SCNN1D: variants seen among roughly 807,000 people sequenced by gnomAD.
The protein encoded by SCNN1D is epithelial sodium channel subunit delta.
In SCNN1D, 104 loss-of-function variants were observed where a neutral mutation model predicts 87.8. The observed-to-expected ratio is 1.18, with a 90% CI of 1.01 to 1.39. The LOEUF (loss-of-function observed/expected upper bound fraction) is 1.39, where lower values mean the gene tolerates loss of function less well. Among genes scored for constraint, SCNN1D ranks in the 40% most tolerant of loss-of-function variants. SCNN1D has a pLI of 0.00. For missense variants in SCNN1D, 1,324 were observed against 1,093.9 expected (o/e 1.21, Z -2.97); for synonymous variants, 628 against 481.2 (o/e 1.31, Z -3.99).
chr1:1,290,314 G>A lies in SCNN1D; in HGVS notation c.1706G>A (p.Cys569Tyr). 2 of 1,591,334 alleles carry A rather than the reference G, an allele frequency of 1.3e-6. No individual in the cohort carries two copies. The highest frequency in any genetic ancestry group is 1.7e-6 in the Non-Finnish European group (2 of 1,167,426). The change falls in exon 13 of 18, where the codon TGC (cysteine) becomes TAC (tyrosine). Residue 569 changes from cysteine to tyrosine, a missense_variant. Cys to Tyr is a radical substitution (Grantham distance 194). Coordinates refer to ENST00000379116, the MANE Select transcript of SCNN1D (RefSeq NM_001130413.4). ...TTCCAGCAGCTGATGGTGGAGACCTGCTCCTGTGGCTACTACCTCCACCCT... is the reference window on the plus strand; with the variant it reads ...TTCCAGCAGCTGATGGTGGAGACCTACTCCTGTGGCTACTACCTCCACCCT... The part of the protein sequence containing the change: ...SCFQQLMVET[C>Y]SCGYYLHPLP...
At chr1:1,282,129 C>G in intron 3 of SCNN1D, 113 bp from the exon 4 acceptor site, 1 of 677,598 alleles carries the variant, frequency 1.5e-6, no homozygotes, top group Non-Finnish European at 2.7e-6. Context: ...AGCCCCCTGC[C>G]GCGAGCTTGG....
Position 1,287,939 on chromosome 1 carries a change from G to C in SCNN1D, c.1564G>C (p.Asp522His), listed in dbSNP as rs949261338. 2 of 1,542,040 alleles carry C rather than the reference G, an allele frequency of 1.3e-6. No homozygotes were observed. Among genetic ancestry groups the C allele is most frequent in the Non-Finnish European group, 1.8e-6 (2 of 1,141,566 alleles). Residue 522 changes from aspartate to histidine, a missense_variant and splice_region_variant, in exon 12 of 18, where the codon GAC (aspartate) becomes CAC (histidine). By Grantham distance (81) the Asp-to-His change is moderately conservative (BLOSUM62 -1). Coordinates refer to ENST00000379116, the MANE Select transcript of SCNN1D (RefSeq NM_001130413.4). ...ATGGAACTGAAGCGTCCCCTCCCAG[G>C]ACGAGGTGCACCGGCTCGGGAGCCC... ...GTEATISIRE[D>H]EVHRLGSPYG...
At position 1,291,664 on chromosome 1, in the gene SCNN1D, A is replaced by G. The variant is rs1251336853; in HGVS notation, c.*54A>G. 5 of 1,366,834 alleles carry G rather than the reference A, an allele frequency of 3.7e-6. No individual in the cohort carries two copies. Among genetic ancestry groups the G allele is most frequent in the Non-Finnish European group, 4.9e-6 (5 of 1,017,722 alleles). The allele number at this position is 1,366,834 out of a possible 1,614,324, so 84.7% of individuals were successfully genotyped here. A position where few individuals can be genotyped will look rare whatever the true frequency, so the allele number is the denominator to read the frequency against. ...TTGGCCTGGTCCTTGCAGCTGTGGCAGCAGCAGGCTCCCCAGCGGCCCAGG... is the reference window on the plus strand; with the variant it reads ...TTGGCCTGGTCCTTGCAGCTGTGGCGGCAGCAGGCTCCCCAGCGGCCCAGG... On this transcript the variant is annotated 3_prime_UTR_variant, in exon 18 of 18. Coordinates refer to ENST00000379116, the MANE Select transcript of SCNN1D (RefSeq NM_001130413.4).
intron 1 of SCNN1D, chr1:1,280,899 CG>C (rs1291084739): frequency 1.7e-5 from 10 of 583,592 alleles, no homozygotes; most frequent in Middle Eastern, 3.8e-4. Context: ...GGCCAGCAGC[CG>C]GGGGCACCTT....
Position 1,287,910 on chromosome 1 carries a change from G to T in SCNN1D, c.1564-29G>T, listed in dbSNP as rs377444142. On this transcript the variant is annotated intron_variant, in intron 11 of 17. Transcript: ENST00000379116. ...CTGGGCTTTGGGGGGTGAGGGCAGG[G>T]CCCATGGAACTGAAGCGTCCCCTCC... The T allele has an allele frequency of 4.6e-6, 7 of 1,528,480 alleles. No individual in the cohort carries two copies. In the African/African-American group the frequency reaches 9.6e-5, roughly 21 times the overall value. 94.7% of individuals were successfully genotyped at this position (1,528,480 alleles called of 1,614,324 possible). A position where few individuals can be genotyped will look rare whatever the true frequency, so the allele number is the denominator to read the frequency against.
Position 1,290,338 on chromosome 1 carries a change from C to G in SCNN1D, c.1730C>G (p.Pro577Arg). The change falls in exon 13 of 18, where the codon CCT becomes CGT. Residue 577 changes from proline (P) to arginine (R), a missense_variant. By Grantham distance (103) the Pro-to-Arg change is moderately radical. Transcript: ENST00000379116. Reference sequence around the variant, plus strand: ...TGCTCCTGTGGCTACTACCTCCACCCTCTGCCGGCGGGGGCTGAGTACTGC... The same window carrying G: ...TGCTCCTGTGGCTACTACCTCCACCGTCTGCCGGCGGGGGCTGAGTACTGC... The part of the protein sequence containing the change: ...ETCSCGYYLH[P>R]LPAGAEYCSS... 2 of 1,596,626 alleles carry G rather than the reference C, an allele frequency of 1.3e-6. No homozygotes were observed. The highest frequency in any genetic ancestry group is 1.7e-6 in the Non-Finnish European group (2 of 1,169,958).
chr1:1,286,646 G>A, intron 7 of SCNN1D, 122 bp from the exon 8 acceptor site: 7 of 955,720 alleles, frequency 7.3e-6, no homozygotes, highest in South Asian at 1.6e-5. Flanking sequence ...TCTGGGTCCA[G>A]CTCACCCCAC....
chr1:1,285,150 C>G (rs1640561781), intron 5 of SCNN1D, among the ~76,000 whole-genome samples: 2 of 152,212 alleles, frequency 1.3e-5, no homozygotes, highest in East Asian at 3.8e-4. Context: ...GGGAGCCGTC[C>G]CCACCTGGTG....
At chr1:1,282,336 CAG>C (rs1640486556) in intron 4 of SCNN1D, 21 bp downstream of exon 4, 1 of 1,549,762 alleles carries the variant, frequency 6.5e-7, no homozygotes, top group Non-Finnish European at 8.7e-7. Flanking sequence ...TCACCCTCCT[CAG>C]AGCCATGGCT....
In SCNN1D at chr1:1,289,955, T is replaced by C. The variant is rs61326992; in HGVS notation, c.1663-316T>C. ...CCGTGTCTCTGCTCCGTCCCGTGTCTCTGCTCCGTCCCCCGTGTCTGCTCC... is the reference window on the plus strand; with the variant it reads ...CCGTGTCTCTGCTCCGTCCCGTGTCCCTGCTCCGTCCCCCGTGTCTGCTCC... On this transcript the variant is annotated intron_variant, in intron 12 of 17. Coordinates refer to ENST00000379116, the MANE Select transcript of SCNN1D (RefSeq NM_001130413.4). 2.2e-4 allele frequency among the ~76,000 whole-genome samples: 11 copies of C among 49,976 alleles called. 1 individual carries two copies. The highest frequency in any genetic ancestry group is 2.2e-3 in the East Asian group (1 of 446). 32.8% of individuals were successfully genotyped at this position (49,976 alleles called of 152,430 possible).
intron 2 of SCNN1D, 43 bp downstream of exon 2, chr1:1,281,340 T>G (rs2100306289): frequency 6.5e-7 from 1 of 1,534,974 alleles, no homozygotes; most frequent in Non-Finnish European, 8.7e-7. Context: ...CTGGCCGTCT[T>G]TCCTGGGAGA....
At chr1:1,287,056 G>A in intron 8 of SCNN1D, 53 bp from the exon 9 acceptor site, 1 of 1,576,452 alleles carries the variant, frequency 6.3e-7, no homozygotes, top group Non-Finnish European at 8.6e-7. Flanking sequence ...CCTCGAGTGG[G>A]GAGCGGGGCC....
At chr1:1,280,766 C>G (rs930795946) in intron 1 of SCNN1D, 100 bp downstream of exon 1, 11 of 662,880 alleles carry the variant, frequency 1.7e-5, no homozygotes, top group African/African-American at 1.6e-4. Flanking sequence ...CAGTTCAGGG[C>G]TTATAATTTT....
chr1:1,286,134 C>A lies in SCNN1D; in HGVS notation c.767C>A (p.Ser256Tyr). Reference sequence around the variant, plus strand: ...AAGACGACGTCCTGGGGGCTGCTGTCCCTGGGAGCCCTGGTCGCGCTCTGC... The same window carrying A: ...AAGACGACGTCCTGGGGGCTGCTGTACCTGGGAGCCCTGGTCGCGCTCTGC... The part of the protein sequence containing the change: ...RLKTTSWGLL[S>Y]LGALVALCWQ... Residue 256 changes from serine to tyrosine, a missense_variant, in exon 7 of 18, where the codon TCC (serine) becomes TAC (tyrosine). By Grantham distance (144) the Ser-to-Tyr change is moderately radical. Transcript: ENST00000379116. 1 of 1,610,132 alleles carries A rather than the reference C, an allele frequency of 6.2e-7. No individual in the cohort carries two copies. The highest frequency in any genetic ancestry group is 1.1e-5 in the South Asian group (1 of 90,668).
In SCNN1D at chr1:1,290,535, C is replaced by T. The variant is rs748809504; in HGVS notation, c.1839C>T (p.Ser613=). ...DLETHRLPCT[S]RCPRPCRESA... ...AGACCCACCGGCTCCCCTGTACCTCCCGCTGCCCCAGGCCCTGCAGGTGAG... is the reference window on the plus strand; with the variant it reads ...AGACCCACCGGCTCCCCTGTACCTCTCGCTGCCCCAGGCCCTGCAGGTGAG... Residue 613 remains serine, a synonymous_variant, in exon 14 of 18, where the codon TCC becomes TCT. Coordinates refer to ENST00000379116, the MANE Select transcript of SCNN1D (RefSeq NM_001130413.4). The T allele has an allele frequency of 1.9e-6, 3 of 1,612,722 alleles. No individual in the cohort carries two copies. The highest frequency in any genetic ancestry group is 2.2e-5 in the East Asian group (1 of 44,886).
In SCNN1D at chr1:1,287,678, G is replaced by A. The variant is rs140848838; in HGVS notation, c.1405G>A (p.Gly469Ser). Residue 469 changes from glycine to serine, a missense_variant, in exon 11 of 18, where the codon GGC (glycine) becomes AGC (serine). Transcript: ENST00000379116. ...AQRPGITHGV[G>S]LVLRVEQQPH... ...ACCAGCCCTTGGCCTCCCAGGAGTCGGCCTGGTCCTCAGGGTTGAGCAGCA... is the reference window on the plus strand; with the variant it reads ...ACCAGCCCTTGGCCTCCCAGGAGTCAGCCTGGTCCTCAGGGTTGAGCAGCA... 239 of 1,611,708 alleles carry A rather than the reference G, an allele frequency of 1.5e-4. No homozygotes were observed. Among genetic ancestry groups the A allele is most frequent in the Non-Finnish European group, 1.8e-4 (218 of 1,179,488 alleles).
intron 12 of SCNN1D, among the ~76,000 whole-genome samples, chr1:1,289,736 T>C (rs546071166): frequency 2.8e-4 from 1 of 3,552 alleles, no homozygotes. Context: ...CCCCCGTGTC[T>C]CTGCTCCGTC....
Position 1,291,897 on chromosome 1 carries a change from G to T in SCNN1D, c.*287G>T, listed in dbSNP as rs529474233. On this transcript the variant is annotated 3_prime_UTR_variant, in exon 18 of 18. Transcript: ENST00000379116. ...ACCCATGCTCCGTGTGTCTGTGTCT[G>T]CATGTCCACACGTCTGATGCACCTG... The T allele has an allele frequency of 3.0e-6, 1 of 334,178 alleles. No individual in the cohort carries two copies. Among genetic ancestry groups the T allele is most frequent in the South Asian group, 1.1e-4 (1 of 9,512 alleles). The allele number at this position is 334,178 out of a possible 1,614,324, so 20.7% of individuals were successfully genotyped here.
At chr1:1,285,230 C>T (rs115561814) in intron 5 of SCNN1D, among the ~76,000 whole-genome samples, 3,280 of 152,326 alleles carry the variant, frequency 0.022, 128 homozygotes, top group African/African-American at 0.073. Context: ...GCTTGGGCAG[C>T]GGGACAGCCT....
Sources: allele counts gnomAD v4.1 joint callset (sites outside exome capture counted in the v4.1 genomes callset), GRCh38; gene constraint gnomAD v4.1.1; transcripts MANE v1.5; gene names NCBI Gene and HGNC (gene_info 2026-07-23, HGNC 2026-07-21).